Variants in HSPBAP1 observed in about 807,000 individuals in gnomAD.
HSPBAP1 encodes the protein HSPB1 associated protein 1, also known as HSPB1-associated protein 1.
In HSPBAP1, 27 loss-of-function variants were observed where a neutral mutation model predicts 45.2. The observed-to-expected ratio is 0.60, with a 90% CI of 0.44 to 0.82. The LOEUF (loss-of-function observed/expected upper bound fraction) is 0.82, where lower values mean the gene tolerates loss of function less well. Among genes scored for constraint, HSPBAP1 ranks in the 40% least tolerant of loss-of-function variants. The pLI is 0.00. For missense variants in HSPBAP1, 510 were observed against 590.9 expected, an observed-to-expected ratio of 0.86 and a Z score of 1.42; for synonymous variants, 204 against 202.7, an observed-to-expected ratio of 1.01 and a Z score of -0.06.
intron 1 of HSPBAP1, among the ~76,000 whole-genome samples, chr3:122,782,255 A>G (rs544636826): frequency 7.2e-5 from 11 of 152,310 alleles, no homozygotes; most frequent in African/African-American, 2.6e-4. Flanking sequence ...TCAACCTGGG[A>G]GGGGAAATAT....
chr3:122,776,848 T>A (rs558207504), intron 2 of HSPBAP1, among the ~76,000 whole-genome samples: 56 of 152,308 alleles, frequency 3.7e-4, no homozygotes, highest in Admixed American at 6.5e-4. Flanking sequence ...AAGGTCGAAA[T>A]GAGAGAAAGC....
chr3:122,755,703 C>T (rs1252797492), intron 4 of HSPBAP1, among the ~76,000 whole-genome samples: 2 of 151,380 alleles, frequency 1.3e-5, no homozygotes, highest in Non-Finnish European at 2.9e-5. Flanking sequence ...GGGATAGAAT[C>T]TAGTTCATAA....
rs1933685246 is a variant in HSPBAP1, at chr3:122,741,933, T to A, written c.826-820A>T. On this transcript the variant is annotated intron_variant, in intron 6 of 7. Coordinates refer to ENST00000306103, the MANE Select transcript of HSPBAP1 (RefSeq NM_024610.6). ...ATACACTAATGGGAAAGCAAACTGA[T>A]AGAGACATTTGGAAAACATGGGTGG... Among the ~76,000 whole-genome samples the A allele has an allele frequency of 6.6e-5, 10 of 152,014 alleles. No individual in the cohort carries two copies. The South Asian group carries it at 2.1e-3, about 31-fold the overall frequency.
intron 1 of HSPBAP1, among the ~76,000 whole-genome samples, chr3:122,778,959 C>T (rs1935298116): frequency 6.6e-6 from 1 of 152,116 alleles, no homozygotes; most frequent in Admixed American, 6.5e-5. Context: ...ATAAAATTGT[C>T]TTTTCAGAAG....
intron 1 of HSPBAP1, among the ~76,000 whole-genome samples, chr3:122,779,733 C>G (rs975334106): frequency 2.4e-4 from 36 of 150,224 alleles, no homozygotes; most frequent in African/African-American, 7.8e-4. Flanking sequence ...TGCCTTCAAG[C>G]ATCTGTTTAA....
intron 5 of HSPBAP1, chr3:122,754,358 A>C (rs1934265235): frequency 1.2e-5 from 2 of 170,020 alleles, no homozygotes; most frequent in Non-Finnish European, 2.4e-5. Context: ...TGAATACATT[A>C]TGCTATGTGA....
chr3:122,767,545 G>A (rs1934830962), intron 3 of HSPBAP1, among the ~76,000 whole-genome samples: 1 of 151,992 alleles, frequency 6.6e-6, no homozygotes, highest in Non-Finnish European at 1.5e-5. Context: ...GTGACAGAGT[G>A]AGACTCCATC....
Sources: allele counts gnomAD v4.1 joint callset (sites outside exome capture counted in the v4.1 genomes callset), GRCh38; gene constraint gnomAD v4.1.1; transcripts MANE v1.5; gene names NCBI Gene and HGNC (gene_info 2026-07-23, HGNC 2026-07-21).